Variants in ARHGEF18 observed in about 807,000 individuals in gnomAD.
ARHGEF18 encodes the protein rho guanine nucleotide exchange factor 18.
ARHGEF18 carries 93 observed loss-of-function variants against 155.7 expected under a neutral mutation model. The ratio of observed to expected loss-of-function variants is 0.60; its 90% CI spans 0.50 to 0.71. ARHGEF18 has a LOEUF of 0.71. Among genes scored for constraint, ARHGEF18 ranks in the 30% least tolerant of loss-of-function variants. The pLI, the probability that ARHGEF18 is intolerant of heterozygous loss-of-function variation, is 0.00. For missense variants in ARHGEF18, 1,593 were observed against 1,816.1 expected, an observed-to-expected ratio of 0.88 and a Z score of 2.23; for synonymous variants, 742 against 753.1, an observed-to-expected ratio of 0.99 and a Z score of 0.24.
At position 7,447,878 on chromosome 19, in the gene ARHGEF18, C is replaced by T. The variant is rs907052530; in HGVS notation, c.1737+710C>T. ...GCATGGTGGTGCACACCTGTAATCC[C>T]AGCTACTCCAGCCGCTAAGGAGGGA... On this transcript the variant is annotated intron_variant, in intron 15 of 28. Transcript: ENST00000668164. Among the ~76,000 whole-genome samples, 59 of 152,136 alleles carry T rather than the reference C, an allele frequency of 3.9e-4. 1 individual carries two copies. The highest frequency in any genetic ancestry group is 1.4e-3 in the African/African-American group (57 of 41,420).
intron 10 of ARHGEF18, among the ~76,000 whole-genome samples, chr19:7,389,686 A>G (rs547175824): frequency 6.6e-6 from 1 of 151,690 alleles, no homozygotes; most frequent in Non-Finnish European, 1.5e-5. Flanking sequence ...GGCGTATGCC[A>G]CCATGCCTGG....
intron 2 of ARHGEF18, among the ~76,000 whole-genome samples, chr19:7,366,111 A>G (rs1170137998): frequency 2.0e-5 from 3 of 152,060 alleles, no homozygotes; most frequent in Non-Finnish European, 4.4e-5. Context: ...ACATCCAGCT[A>G]ATTTTTGTAT....
At chr19:7,475,934 C>G (rs540578836), downstream of ARHGEF18, among the ~76,000 whole-genome samples, 3 of 152,334 alleles carry the variant, frequency 2.0e-5, no homozygotes, top group Non-Finnish European at 2.9e-5. Context: ...CTGGCCCACT[C>G]GTGAGTCCTG....
chr19:7,414,160 A>C (rs6603152), intron 10 of ARHGEF18, among the ~76,000 whole-genome samples: 17,046 of 152,070 alleles, frequency 0.11, 1,902 homozygotes, highest in African/African-American at 0.29. Context: ...TCCACCCACC[A>C]GATGCCAGGA....
At chr19:7,427,227 T>C (rs978479846) in intron 10 of ARHGEF18, among the ~76,000 whole-genome samples, 1 of 152,072 alleles carries the variant, frequency 6.6e-6, no homozygotes, top group Non-Finnish European at 1.5e-5. Flanking sequence ...CTCACTGAGG[T>C]CAAATGTTGC....
At chr19:7,408,348 T>G (rs1972467082) in intron 10 of ARHGEF18, among the ~76,000 whole-genome samples, 2 of 152,168 alleles carry the variant, frequency 1.3e-5, no homozygotes, top group South Asian at 4.1e-4. Flanking sequence ...TCACAGCCAC[T>G]CAACTCAAAA....
At chr19:7,385,876 CTCCCTCTCT>C in intron 10 of ARHGEF18, among the ~76,000 whole-genome samples, 1 of 62,378 alleles carries the variant, frequency 1.6e-5, no homozygotes, top group East Asian at 5.8e-4. Context: ...TCTCTCCCCC[CTCCCTCTCT>C]CCCTCCCTCC....
intron 1 of ARHGEF18, among the ~76,000 whole-genome samples, chr19:7,360,488 G>A (rs765832557): frequency 1.2e-3 from 190 of 152,124 alleles, no homozygotes; most frequent in Non-Finnish European, 2.0e-3. Context: ...CGCCTTCCTC[G>A]GCCTCCCAAA....
intron 16 of ARHGEF18, 60 bp from the exon 17 acceptor site, chr19:7,453,407 T>A: frequency 6.5e-7 from 1 of 1,528,064 alleles, no homozygotes. Context: ...ATAGTGAGTG[T>A]GTCCACTTCT....
chr19:7,439,288 C>CA (rs954902027), intron 10 of ARHGEF18, among the ~76,000 whole-genome samples: 25 of 150,506 alleles, frequency 1.7e-4, no homozygotes, highest in Middle Eastern at 6.8e-3. Flanking sequence ...AGACCCCCCC[C>CA]CAACCTCTAC....
intron 1 of ARHGEF18, among the ~76,000 whole-genome samples, chr19:7,354,666 G>A (rs527541748): frequency 7.6e-5 from 11 of 144,358 alleles, no homozygotes; most frequent in South Asian, 2.1e-4. Flanking sequence ...TTGCGAGGCC[G>A]CGGCAGGAGG....
chr19:7,389,134 T>C (rs114726906), intron 10 of ARHGEF18, among the ~76,000 whole-genome samples: 1,671 of 150,174 alleles, frequency 0.011, 34 homozygotes, highest in African/African-American at 0.038. Context: ...TACAGTCTCG[T>C]AGCACCACAC....
In ARHGEF18 at chr19:7,364,390, A is replaced by AAGGAAGGAAGGAAGGAAGGG. The variant is rs1555698655; in HGVS notation, c.15+1500_15+1501insAAGGGAGGAAGGAAGGAAGG. 6.3e-3 allele frequency among the ~76,000 whole-genome samples: 932 copies of AAGGAAGGAAGGAAGGAAGGG among 147,222 alleles called. 15 individuals are homozygous for AAGGAAGGAAGGAAGGAAGGG. The highest frequency in any genetic ancestry group is 0.022 in the African/African-American group (870 of 39,960). ...AAAGGAAGGAAGGAAGGAAGGAAGG[A>AAGGAAGGAAGGAAGGAAGGG]AGGAAGGAAGGAAGGCAGGCTGACT... On this transcript the variant is annotated intron_variant, in intron 2 of 28. Coordinates refer to ENST00000668164, the MANE Select transcript of ARHGEF18 (RefSeq NM_001367823.1).
chr19:7,357,737 C>T (rs573592632), intron 1 of ARHGEF18, among the ~76,000 whole-genome samples: 36 of 152,180 alleles, frequency 2.4e-4, no homozygotes, highest in East Asian at 9.7e-4. Context: ...AGGAATTTCC[C>T]GGGGAAAGGG....
chr19:7,469,816 G>C lies in ARHGEF18; in HGVS notation c.3788-88G>C. ...CCGTGGGAAGTGTCAGGTGGGGGTGGCCAGGCCCCTCTGCTCTCGGAGGCT... is the reference window on the plus strand; with the variant it reads ...CCGTGGGAAGTGTCAGGTGGGGGTGCCCAGGCCCCTCTGCTCTCGGAGGCT... On this transcript the variant is annotated intron_variant, in intron 27 of 28. Coordinates refer to ENST00000668164, the MANE Select transcript of ARHGEF18 (RefSeq NM_001367823.1). 6.6e-6 allele frequency: 10 copies of C among 1,513,822 alleles called. No individual in the cohort carries two copies. In the South Asian group the frequency reaches 1.2e-4, roughly 19 times the overall value. 93.8% of individuals were successfully genotyped at this position (1,513,822 alleles called of 1,614,324 possible).
At chr19:7,461,577 G>A (rs1027520328) in intron 20 of ARHGEF18, among the ~76,000 whole-genome samples, 12 of 152,136 alleles carry the variant, frequency 7.9e-5, no homozygotes, top group South Asian at 2.1e-4. Context: ...AAGAAAGAAA[G>A]GGAGGATGGA....
chr19:7,431,586 C>CGGGT (rs1327614480), intron 10 of ARHGEF18, among the ~76,000 whole-genome samples: 1 of 149,306 alleles, frequency 6.7e-6, no homozygotes, highest in Non-Finnish European at 1.5e-5. Flanking sequence ...GAGTCCAAGG[C>CGGGT]GGGTGGATCA....
chr19:7,478,300 T>C, the ARHGEF18 span: 34 of 1,609,086 alleles, frequency 2.1e-5, 1 homozygote, highest in Non-Finnish European at 2.8e-5. Context: ...TGCTGGGTGA[T>C]CACGGGCTCC....
intron 10 of ARHGEF18, among the ~76,000 whole-genome samples, chr19:7,416,605 G>GT (rs71179109): frequency 0.13 from 11,559 of 90,400 alleles, 3,652 homozygotes; most frequent in African/African-American, 0.46. Flanking sequence ...TTTTATTTGG[G>GT]TTTTTTTTTT....
Sources: allele counts gnomAD v4.1 joint callset (sites outside exome capture counted in the v4.1 genomes callset), GRCh38; gene constraint gnomAD v4.1.1; transcripts MANE v1.5; gene names NCBI Gene and HGNC (gene_info 2026-07-23, HGNC 2026-07-21).